RPS6KC1: variants seen among roughly 807,000 people sequenced by gnomAD.
RPS6KC1 encodes the protein ribosomal protein S6 kinase C1.
In RPS6KC1, 54 loss-of-function variants were observed where a neutral mutation model predicts 103.8. That is an observed-to-expected ratio of 0.52 (90% confidence interval 0.42 to 0.65). The LOEUF is 0.65. RPS6KC1 is among the 30% of genes least tolerant of loss of function. The probability of loss-of-function intolerance (pLI) is 0.00; values close to 1 mark genes in which losing one functional copy is unlikely to be tolerated. For missense variants in RPS6KC1, 1,151 were observed against 1,253.8 expected (o/e 0.92, Z 1.24); for synonymous variants, 439 against 438.7 (o/e 1.00, Z -0.01).
intron 12 of RPS6KC1, among the ~76,000 whole-genome samples, chr1:213,252,810 C>A (rs2094568247): frequency 6.6e-6 from 1 of 152,098 alleles, no homozygotes; most frequent in Admixed American, 6.5e-5. Context: ...TTGTATGGAT[C>A]TTGTGGCCTT....
At chr1:213,720,391 G>A in the RPS6KC1 span, among the ~76,000 whole-genome samples, 25 of 152,306 alleles carry the variant, frequency 1.6e-4, no homozygotes, top group African/African-American at 5.8e-4. Flanking sequence ...TTTGTACAAC[G>A]TTCCAAAGGT....
chr1:213,844,000 G>A, the RPS6KC1 span, among the ~76,000 whole-genome samples: 6 of 145,890 alleles, frequency 4.1e-5, no homozygotes, highest in African/African-American at 1.6e-4. Flanking sequence ...TCAGCTAGGG[G>A]GAAAAAAAAA....
chr1:213,476,487 T>C, the RPS6KC1 span, among the ~76,000 whole-genome samples: 1 of 152,238 alleles, frequency 6.6e-6, no homozygotes, highest in Non-Finnish European at 1.5e-5. Context: ...CCAATGTAGC[T>C]GAAGAATTGC....
the RPS6KC1 span, among the ~76,000 whole-genome samples, chr1:213,385,656 G>T: frequency 6.6e-6 from 1 of 152,196 alleles, no homozygotes; most frequent in South Asian, 2.1e-4. Flanking sequence ...TGACTTGGAG[G>T]ATATTCCTCT....
At chr1:213,530,805 C>T in the RPS6KC1 span, among the ~76,000 whole-genome samples, 4 of 152,228 alleles carry the variant, frequency 2.6e-5, no homozygotes. Flanking sequence ...GAGCTCCTTT[C>T]TGCCTCCTGA....
chr1:213,479,487 C>T, the RPS6KC1 span, among the ~76,000 whole-genome samples: 3 of 151,968 alleles, frequency 2.0e-5, no homozygotes, highest in Admixed American at 6.6e-5. Context: ...CGATTACTTT[C>T]GAGGCAAAAT....
the RPS6KC1 span, among the ~76,000 whole-genome samples, chr1:213,590,665 A>G: frequency 6.6e-6 from 1 of 152,168 alleles, no homozygotes; most frequent in Non-Finnish European, 1.5e-5. Flanking sequence ...GAGCTGCTCT[A>G]GAAAGGAGGT....
At chr1:213,460,676 A>G in the RPS6KC1 span, among the ~76,000 whole-genome samples, 2 of 152,090 alleles carry the variant, frequency 1.3e-5, no homozygotes, top group Non-Finnish European at 2.9e-5. Flanking sequence ...CAGTTTCTTC[A>G]TAGTGTCAAT....
At chr1:213,810,691 C>T in the RPS6KC1 span, among the ~76,000 whole-genome samples, 1 of 152,180 alleles carries the variant, frequency 6.6e-6, no homozygotes, top group East Asian at 1.9e-4. Context: ...CTCCAACCAC[C>T]AACACCAGTA....
At chr1:213,485,850 G>T in the RPS6KC1 span, among the ~76,000 whole-genome samples, 1 of 152,218 alleles carries the variant, frequency 6.6e-6, no homozygotes, top group East Asian at 1.9e-4. Flanking sequence ...GGATTTTATT[G>T]GTCAGATAAT....
chr1:213,398,580 A>C, the RPS6KC1 span, among the ~76,000 whole-genome samples: 4 of 152,000 alleles, frequency 2.6e-5, no homozygotes, highest in African/African-American at 9.7e-5. Context: ...GCCATGCTGG[A>C]CTCAAAGGAC....
the RPS6KC1 span, among the ~76,000 whole-genome samples, chr1:213,810,699 G>A: frequency 3.3e-5 from 5 of 152,158 alleles, no homozygotes; most frequent in Admixed American, 6.5e-5. Context: ...ACCAACACCA[G>A]TATCACCACT....
the RPS6KC1 span, among the ~76,000 whole-genome samples, chr1:213,545,483 A>G: frequency 2.0e-5 from 3 of 152,144 alleles, no homozygotes; most frequent in Non-Finnish European, 4.4e-5. Flanking sequence ...CTTGGCTTGT[A>G]GATGAGTCTT....
chr1:213,767,224 C>T, the RPS6KC1 span, among the ~76,000 whole-genome samples: 1 of 152,238 alleles, frequency 6.6e-6, no homozygotes, highest in Non-Finnish European at 1.5e-5. Context: ...TATCTCTCCA[C>T]TGGCTAATCC....
chr1:213,148,120 C>T (rs539742575), intron 6 of RPS6KC1, among the ~76,000 whole-genome samples: 6 of 152,272 alleles, frequency 3.9e-5, no homozygotes, highest in African/African-American at 1.2e-4. Flanking sequence ...TCCAAATACA[C>T]GGTCATATCA....
the RPS6KC1 span, among the ~76,000 whole-genome samples, chr1:213,466,080 C>G: frequency 2.0e-5 from 3 of 152,142 alleles, no homozygotes; most frequent in Non-Finnish European, 4.4e-5. Flanking sequence ...TTTGATACTG[C>G]TTCTCCCCAC....
chr1:213,168,387 A>G (rs1030444651), intron 7 of RPS6KC1, among the ~76,000 whole-genome samples: 1 of 152,240 alleles, frequency 6.6e-6, no homozygotes, highest in African/African-American at 2.4e-5. Flanking sequence ...CTGGAATTAT[A>G]AAAGCATAAT....
At chr1:213,119,472 ATATATATATATATATATATATATAT>A (rs2084118212) in intron 5 of RPS6KC1, among the ~76,000 whole-genome samples, 2 of 23,168 alleles carry the variant, frequency 8.6e-5, no homozygotes, top group South Asian at 4.7e-3. Flanking sequence ...ATATATATAT[ATATATATATATATATATATATATAT>A]ATGAGAGTAT....
chr1:213,573,235 G>A, the RPS6KC1 span, among the ~76,000 whole-genome samples: 26 of 152,244 alleles, frequency 1.7e-4, no homozygotes, highest in African/African-American at 5.8e-4. Flanking sequence ...TCCTGGAAAC[G>A]CCCCACATTA....
Sources: gnomAD v4.1 joint callset for allele counts (sites outside exome capture counted in the v4.1 genomes callset) on GRCh38, gnomAD v4.1.1 for gene constraint, MANE v1.5 for transcripts, NCBI Gene and HGNC (gene_info 2026-07-23, HGNC 2026-07-21) for gene names.